The following DLG2 variants were observed in gnomAD, a reference collection of about 807,000 sequenced individuals.
DLG2 encodes the protein disks large homolog 2.
A neutral mutation model predicts 132.5 loss-of-function variants in DLG2; 45 were observed. The observed-to-expected ratio is 0.34, with a 90% confidence interval of 0.27 to 0.44. DLG2 has a LOEUF of 0.44. DLG2 is among the 20% of genes least tolerant of loss of function. The probability of loss-of-function intolerance (pLI) is 1.00; values close to 1 mark genes in which losing one functional copy is unlikely to be tolerated. For synonymous variants in DLG2, 424 were observed against 419.6 expected, an observed-to-expected ratio of 1.01 and a Z score of -0.13; for missense variants, 1,045 against 1,196.9, an observed-to-expected ratio of 0.87 and a Z score of 1.87.
chr11:84,680,741 G>T (rs2099727143), intron 6 of DLG2, among the ~76,000 whole-genome samples: 1 of 152,124 alleles, frequency 6.6e-6, no homozygotes, highest in South Asian at 2.1e-4. Flanking sequence ...ACCATAGCTT[G>T]TACTGCTGGT....
chr11:85,505,926 C>A (rs530214091), intron 3 of DLG2, among the ~76,000 whole-genome samples: 3 of 152,292 alleles, frequency 2.0e-5, no homozygotes, highest in South Asian at 2.1e-4. Flanking sequence ...AGGGATTTAA[C>A]TTCTTCCTGG....
At chr11:84,591,520 TG>T (rs1449747652) in intron 6 of DLG2, among the ~76,000 whole-genome samples, 1 of 151,574 alleles carries the variant, frequency 6.6e-6, no homozygotes, top group African/African-American at 2.4e-5. Context: ...TACAAAAATT[TG>T]CTGATGGCAA....
At chr11:85,148,019 T>C (rs957523045) in intron 5 of DLG2, among the ~76,000 whole-genome samples, 1 of 152,138 alleles carries the variant, frequency 6.6e-6, no homozygotes, top group Non-Finnish European at 1.5e-5. Flanking sequence ...TTTTCTGTTC[T>C]TGTGTTAGTT....
At chr11:84,302,543 T>A (rs1471906724) in intron 7 of DLG2, among the ~76,000 whole-genome samples, 7 of 152,124 alleles carry the variant, frequency 4.6e-5, no homozygotes, top group Non-Finnish European at 1.0e-4. Flanking sequence ...AATTTGTATC[T>A]TTCACTGAAG....
intron 3 of DLG2, among the ~76,000 whole-genome samples, chr11:85,461,932 C>A (rs534621001): frequency 6.6e-6 from 1 of 152,234 alleles, no homozygotes; most frequent in Non-Finnish European, 1.5e-5. Context: ...CCAGAATCTA[C>A]AATGAACTCA....
At chr11:84,465,508 A>G (rs2099091842) in intron 7 of DLG2, among the ~76,000 whole-genome samples, 1 of 151,170 alleles carries the variant, frequency 6.6e-6, no homozygotes, top group Admixed American at 6.6e-5. Flanking sequence ...GACTTTCCCC[A>G]TCCTCAAGCT....
chr11:85,039,507 T>C (rs549513183), intron 6 of DLG2, among the ~76,000 whole-genome samples: 16 of 152,102 alleles, frequency 1.1e-4, no homozygotes, highest in East Asian at 9.7e-4. Context: ...TTCTGAGCCA[T>C]GGTTTCCTCA....
intron 6 of DLG2, among the ~76,000 whole-genome samples, chr11:84,653,350 A>C (rs541252956): frequency 6.6e-6 from 1 of 152,294 alleles, no homozygotes; most frequent in Admixed American, 6.5e-5. Context: ...ACTTACATTA[A>C]ACTGAAATGA....
intron 7 of DLG2, among the ~76,000 whole-genome samples, chr11:84,333,033 T>G (rs1328727180): frequency 1.3e-5 from 2 of 152,216 alleles, no homozygotes; most frequent in Non-Finnish European, 2.9e-5. Context: ...CATTTATACC[T>G]ACCACTCATG....
intron 6 of DLG2, among the ~76,000 whole-genome samples, chr11:85,091,345 T>A (rs1185682222): frequency 1.3e-5 from 2 of 152,188 alleles, no homozygotes; most frequent in Admixed American, 6.5e-5. Context: ...CTTCAGTGAG[T>A]CACGACCTTT....
intron 4 of DLG2, among the ~76,000 whole-genome samples, chr11:85,218,141 G>A (rs190459558): frequency 2.6e-5 from 4 of 152,204 alleles, no homozygotes; most frequent in South Asian, 2.1e-4. Context: ...ATTGCTCTAC[G>A]TGTCTGTTTT....
intron 6 of DLG2, among the ~76,000 whole-genome samples, chr11:84,843,294 A>C (rs1438741179): frequency 6.6e-6 from 1 of 151,812 alleles, no homozygotes; most frequent in Non-Finnish European, 1.5e-5. Flanking sequence ...TACTGTTAAA[A>C]AAAAAAAACA....
At chr11:84,812,777 A>T (rs2076702540) in intron 6 of DLG2, among the ~76,000 whole-genome samples, 1 of 152,156 alleles carries the variant, frequency 6.6e-6, no homozygotes, top group South Asian at 2.1e-4. Context: ...CTCCTGTTGG[A>T]AATGTGAAAC....
Position 85,269,654 on chromosome 11 carries a change from A to G in DLG2, c.186+15566T>C, listed in dbSNP as rs575359268. Among the ~76,000 whole-genome samples, 11 of 152,336 alleles carry G rather than the reference A, an allele frequency of 7.2e-5. No individual in the cohort carries two copies. The South Asian group carries it at 2.3e-3, about 32-fold the overall frequency. On this transcript the variant is annotated intron_variant, in intron 4 of 27. Coordinates refer to ENST00000376104, the MANE Select transcript of DLG2 (RefSeq NM_001142699.3). ...TACTTAGCAAATGTTAACTGTTCAC[A>G]ATAGTGTTAATGTTAGGCCAGTAGC...
At chr11:84,586,120 C>T (rs1202471564) in intron 6 of DLG2, among the ~76,000 whole-genome samples, 3 of 137,882 alleles carry the variant, frequency 2.2e-5, no homozygotes, top group Non-Finnish European at 4.5e-5. Flanking sequence ...CACTGCACTG[C>T]AGCCGGGGTG....
At chr11:84,490,220 G>A (rs2154495610) in intron 7 of DLG2, among the ~76,000 whole-genome samples, 1 of 152,212 alleles carries the variant, frequency 6.6e-6, no homozygotes, top group South Asian at 2.1e-4. Flanking sequence ...CAGCACTGTT[G>A]TGAGGATTAA....
intron 6 of DLG2, chr11:84,687,115 T>C (rs1042274172): frequency 5.9e-5 from 9 of 152,154 alleles, no homozygotes; most frequent in African/African-American, 2.2e-4. Context: ...GGACTTCTGT[T>C]TTCCTAGTTG....
chr11:84,584,978 G>A (rs578085906), intron 6 of DLG2, among the ~76,000 whole-genome samples: 4 of 151,824 alleles, frequency 2.6e-5, no homozygotes, highest in East Asian at 2.0e-4. Context: ...GTGAGCCACC[G>A]CGCCCGGCCC....
intron 6 of DLG2, among the ~76,000 whole-genome samples, chr11:84,815,664 C>T (rs1487506737): frequency 2.0e-5 from 3 of 151,916 alleles, no homozygotes; most frequent in Non-Finnish European, 2.9e-5. Context: ...AATTAAGAGT[C>T]TAAGGAAAAC....
Sources: allele counts gnomAD v4.1 joint callset (sites outside exome capture counted in the v4.1 genomes callset), GRCh38; gene constraint gnomAD v4.1.1; transcripts MANE v1.5; gene names NCBI Gene and HGNC (gene_info 2026-07-23, HGNC 2026-07-21).